The following TDRD3 variants were observed in gnomAD, a reference collection of about 807,000 sequenced individuals.
TDRD3 encodes the protein tudor domain-containing protein 3.
A neutral mutation model predicts 86.7 loss-of-function variants in TDRD3; 45 were observed. The observed-to-expected ratio is 0.52, with a 90% CI of 0.41 to 0.67. TDRD3 has a LOEUF of 0.67. TDRD3 is among the 30% of genes least tolerant of loss of function. TDRD3 has a pLI of 0.00. For missense variants in TDRD3, 814 were observed against 889.0 expected, an observed-to-expected ratio of 0.92 and a Z score of 1.07; for synonymous variants, 298 against 301.7, an observed-to-expected ratio of 0.99 and a Z score of 0.13.
chr13:60,560,713 G>C (rs575165822), intron 12 of TDRD3, among the ~76,000 whole-genome samples: 1 of 152,226 alleles, frequency 6.6e-6, no homozygotes, highest in East Asian at 1.9e-4. Flanking sequence ...TAGGTATTCA[G>C]ATGATTTCAT....
At chr13:60,397,023 G>A (rs1953928885), upstream of TDRD3, 1 of 207,508 alleles carries the variant, frequency 4.8e-6, no homozygotes, top group Admixed American at 6.0e-5. Context: ...GTGCAACTCA[G>A]AAAAGCGCCC....
chr13:60,571,339 TG>T (rs781116781), intron 13 of TDRD3, among the ~76,000 whole-genome samples: 17 of 152,316 alleles, frequency 1.1e-4, no homozygotes, highest in Non-Finnish European at 1.8e-4. Context: ...AATATATTCT[TG>T]AGATAAAAGA....
rs1324006691 is a variant in TDRD3, at chr13:60,528,594, T to A, written c.1369T>A (p.Ser457Thr). ...RNRGSERPSTSSVSEVWAEDR... is the reference protein window; with the variant it reads ...RNRGSERPSTTSVSEVWAEDR... ...TAGAGGTTCTGAAAGACCAAGTACTTCTTCAGTATCTGAAGTATGGGCTGA... is the reference window on the plus strand; with the variant it reads ...TAGAGGTTCTGAAAGACCAAGTACTACTTCAGTATCTGAAGTATGGGCTGA... The change falls in exon 11 of 14, where the codon TCT (serine) becomes ACT (threonine). Residue 457 changes from serine (S) to threonine (T), a missense_variant. Coordinates refer to ENST00000377881, the MANE Select transcript of TDRD3 (RefSeq NM_001146070.2). 1.9e-6 allele frequency: 3 copies of A among 1,613,908 alleles called. No individual in the cohort carries two copies. The African/African-American group carries it at 4.0e-5, about 22-fold the overall frequency.
intron 1 of TDRD3, among the ~76,000 whole-genome samples, chr13:60,427,830 T>C (rs921772832): frequency 6.6e-6 from 1 of 152,252 alleles, no homozygotes; most frequent in Non-Finnish European, 1.5e-5. Context: ...TAATGTTTTT[T>C]ATTTAATTAA....
At chr13:60,545,328 G>A (rs4886239) in intron 12 of TDRD3, among the ~76,000 whole-genome samples, 97,022 of 151,980 alleles carry the variant, frequency 0.64, 32,058 homozygotes, top group African/African-American at 0.78. Context: ...AGACTTTTCA[G>A]AAACTTCTAT....
chr13:60,533,568 G>C (rs971587814), intron 11 of TDRD3, among the ~76,000 whole-genome samples: 1 of 152,078 alleles, frequency 6.6e-6, no homozygotes, highest in Non-Finnish European at 1.5e-5. Context: ...TGGAACCCGA[G>C]AGGCGGAGGT....
At position 60,531,725 on chromosome 13, in the gene TDRD3, G is replaced by A. The variant is rs573397957; in HGVS notation, c.1992+2508G>A. ...ATATCTGCTTATATTCTCTCTGCCA[G>A]TAGAAAATGTAACTGTTTTACTGGG... On this transcript the variant is annotated intron_variant, in intron 11 of 13. Transcript: ENST00000377881. Among the ~76,000 whole-genome samples, 47 of 152,152 alleles carry A rather than the reference G, an allele frequency of 3.1e-4. 1 individual carries two copies. The highest frequency in any genetic ancestry group is 1.1e-3 in the African/African-American group (46 of 41,492).
intron 3 of TDRD3, among the ~76,000 whole-genome samples, chr13:60,459,820 C>T (rs1955767691): frequency 6.6e-6 from 1 of 152,070 alleles, no homozygotes; most frequent in African/African-American, 2.4e-5. Flanking sequence ...GGGGATTCAC[C>T]ATGTTGGCCT....
At chr13:60,481,442 A>G (rs1956316270) in intron 5 of TDRD3, among the ~76,000 whole-genome samples, 1 of 138,226 alleles carries the variant, frequency 7.2e-6, no homozygotes, top group Non-Finnish European at 1.6e-5. Context: ...TCATTTTTTT[A>G]CCCTAGGCTT....
intron 8 of TDRD3, among the ~76,000 whole-genome samples, chr13:60,498,458 A>G (rs1398816002): frequency 6.6e-6 from 1 of 152,184 alleles, no homozygotes; most frequent in Non-Finnish European, 1.5e-5. Flanking sequence ...TGACTTGTGT[A>G]GAGCTCTGGC....
In TDRD3 at chr13:60,527,554, GA is replaced by G. The variant is rs749337849; in HGVS notation, c.1142-810del. Among the ~76,000 whole-genome samples the G allele has an allele frequency of 2.0e-5, 3 of 152,202 alleles. No individual in the cohort carries two copies. The East Asian group carries it at 5.8e-4, about 29-fold the overall frequency. On this transcript the variant is annotated intron_variant, in intron 10 of 13. Coordinates refer to ENST00000377881, the MANE Select transcript of TDRD3 (RefSeq NM_001146070.2). ...TAATCATGTTATAGACATGCTATGT[GA>G]AATTATGGAGGAAGAAAGTATAAAT...
chr13:60,505,238 C>T (rs926064662), intron 8 of TDRD3, among the ~76,000 whole-genome samples: 55 of 152,128 alleles, frequency 3.6e-4, no homozygotes, highest in Non-Finnish European at 5.9e-4. Flanking sequence ...ACCTGGGATG[C>T]TTGAGCTTGG....
intron 5 of TDRD3, among the ~76,000 whole-genome samples, chr13:60,475,557 C>A (rs571284590): frequency 8.5e-5 from 13 of 152,236 alleles, no homozygotes; most frequent in Non-Finnish European, 1.8e-4. Flanking sequence ...AATGAACAAA[C>A]AAGTGCATGT....
At chr13:60,412,417 T>TA (rs1402080315) in intron 1 of TDRD3, among the ~76,000 whole-genome samples, 1 of 152,202 alleles carries the variant, frequency 6.6e-6, no homozygotes, top group East Asian at 1.9e-4. Context: ...GTGATAATCT[T>TA]ACGTTTGTAA....
Position 60,561,636 on chromosome 13 carries a change from C to T in TDRD3, c.2119-5889C>T, listed in dbSNP as rs569548447. 3.2e-4 allele frequency among the ~76,000 whole-genome samples: 48 copies of T among 152,270 alleles called. 1 individual carries two copies. Among genetic ancestry groups the T allele is most frequent in the African/African-American group, 1.1e-3 (47 of 41,544 alleles). ...TATAAATCTGCTCTGTTAGATTTAT[C>T]TCCAGTTCCCCTGCAGTTCTGAGAT... On this transcript the variant is annotated intron_variant, in intron 12 of 13. Coordinates refer to ENST00000377881, the MANE Select transcript of TDRD3 (RefSeq NM_001146070.2).
intron 12 of TDRD3, among the ~76,000 whole-genome samples, chr13:60,553,711 TCTCATGAGAACTCA>T (rs1374243817): frequency 3.9e-5 from 6 of 151,932 alleles, no homozygotes; most frequent in Non-Finnish European, 7.4e-5. Flanking sequence ...AACCATCAGC[TCTCATGAGAACTCA>T]CTCACTATCA....
At chr13:60,428,396 T>C (rs1054018444) in intron 1 of TDRD3, among the ~76,000 whole-genome samples, 21 of 151,962 alleles carry the variant, frequency 1.4e-4, no homozygotes, top group African/African-American at 4.6e-4. Flanking sequence ...TGTAGTCAAA[T>C]TATGTTTTCT....
chr13:60,571,745 A>G (rs371334871), intron 13 of TDRD3, among the ~76,000 whole-genome samples: 19 of 151,956 alleles, frequency 1.3e-4, no homozygotes, highest in Middle Eastern at 3.4e-3. Flanking sequence ...AACCCTCCAC[A>G]CACATATACT....
chr13:60,483,900 T>G (rs1201260294), intron 6 of TDRD3, 54 bp downstream of exon 6: 1 of 1,549,246 alleles, frequency 6.5e-7, no homozygotes, highest in African/African-American at 1.4e-5. Context: ...GTGTTTTTCA[T>G]TAGCATTCAA....
Sources: allele counts gnomAD v4.1 joint callset (sites outside exome capture counted in the v4.1 genomes callset), GRCh38; gene constraint gnomAD v4.1.1; transcripts MANE v1.5; gene names NCBI Gene and HGNC (gene_info 2026-07-23, HGNC 2026-07-21).